Variants in DACH1 observed in about 807,000 individuals in gnomAD.
The protein encoded by DACH1 is dachshund family transcription factor 1.
Under a neutral mutation model 54.2 loss-of-function variants are expected in DACH1, and 12 were observed. The observed-to-expected ratio is 0.22, with a 90% confidence interval of 0.14 to 0.36. The LOEUF is 0.36. Among genes scored for constraint, DACH1 ranks in the 10% least tolerant of loss-of-function variants. The probability of loss-of-function intolerance (pLI) is 1.00; values close to 1 mark genes in which losing one functional copy is unlikely to be tolerated. For missense variants in DACH1, 805 were observed against 929.8 expected, an observed-to-expected ratio of 0.87 and a Z score of 1.75; for synonymous variants, 386 against 366.2, an observed-to-expected ratio of 1.05 and a Z score of -0.62.
chr13:71,453,351 A>C (rs1875250903), intron 10 of DACH1, among the ~76,000 whole-genome samples: 1 of 152,214 alleles, frequency 6.6e-6, no homozygotes, highest in Admixed American at 6.5e-5. Context: ...TAGAAGAAAA[A>C]TGATTTCTTG....
chr13:71,813,726 A>G (rs1048166605), intron 1 of DACH1, among the ~76,000 whole-genome samples: 3 of 152,332 alleles, frequency 2.0e-5, no homozygotes, highest in Middle Eastern at 6.8e-3. Context: ...CACAAGTTCT[A>G]TGAGGCATGT....
Position 71,709,782 on chromosome 13 carries a change from G to C in DACH1, c.849-27872C>G, listed in dbSNP as rs1882623582. 1.3e-5 allele frequency among the ~76,000 whole-genome samples: 2 copies of C among 152,102 alleles called. 1 individual carries two copies. The highest frequency in any genetic ancestry group is 4.2e-4 in the South Asian group (2 of 4,814). On this transcript the variant is annotated intron_variant, in intron 1 of 10. Transcript: ENST00000613252. ...TCCGCCATTTCAGGAATCCACTGAA[G>C]GTCTGGAAATGTACACCCTGCAGAT...
intron 1 of DACH1, among the ~76,000 whole-genome samples, chr13:71,705,169 T>C (rs1882371921): frequency 6.6e-6 from 1 of 152,186 alleles, no homozygotes; most frequent in Non-Finnish European, 1.5e-5. Flanking sequence ...CCAAAAATTA[T>C]CAAACAGCTA....
chr13:71,664,260 A>T lies in DACH1; in HGVS notation c.964+17535T>A, dbSNP rs114126564. On this transcript the variant is annotated intron_variant, in intron 2 of 10. Coordinates refer to ENST00000613252, the MANE Select transcript of DACH1 (RefSeq NM_080759.6). ...AGAGGTGAGTCAAGTCAAGGTCCTA[A>T]TATTCAAATCTCTCATTTGGATTTT... Among the ~76,000 whole-genome samples, 740 of 152,136 alleles carry T rather than the reference A, an allele frequency of 4.9e-3. 5 individuals carry two copies. The highest frequency in any genetic ancestry group is 0.017 in the African/African-American group (696 of 41,560).
At chr13:71,839,356 C>T (rs1175857217) in intron 1 of DACH1, among the ~76,000 whole-genome samples, 1 of 152,088 alleles carries the variant, frequency 6.6e-6, no homozygotes, top group Non-Finnish European at 1.5e-5. Flanking sequence ...ACCTGTAATC[C>T]CAGCACTTTG....
intron 1 of DACH1, among the ~76,000 whole-genome samples, chr13:71,687,486 G>A (rs1881238380): frequency 6.6e-6 from 1 of 152,100 alleles, no homozygotes; most frequent in Non-Finnish European, 1.5e-5. Flanking sequence ...AAAAAAGACT[G>A]AAAGGAAATA....
chr13:71,794,428 T>C (rs1419056800), intron 1 of DACH1, among the ~76,000 whole-genome samples: 1 of 152,170 alleles, frequency 6.6e-6, no homozygotes, highest in Admixed American at 6.5e-5. Flanking sequence ...AAAATAATAA[T>C]GAGCAACCAT....
rs1350848927 is a variant in DACH1 at position 71,867,071 on chromosome 13, G to A, written c.-302C>T. On this transcript the variant is annotated 5_prime_UTR_variant, in exon 1 of 11. Transcript: ENST00000613252. ...CGAGGGCTGGTTTGGGGGTGGGGGTGGGGCGGGGAGGGTCGGCTGTTGTTG... is the reference window on the plus strand; with the variant it reads ...CGAGGGCTGGTTTGGGGGTGGGGGTAGGGCGGGGAGGGTCGGCTGTTGTTG... The A allele has an allele frequency of 1.5e-5, 3 of 204,426 alleles. No homozygotes were observed. The highest frequency in any genetic ancestry group is 1.2e-4 in the Admixed American group (2 of 16,552). 12.7% of individuals were successfully genotyped at this position (204,426 alleles called of 1,614,324 possible). A position where few individuals can be genotyped will look rare whatever the true frequency, so the allele number is the denominator to read the frequency against.
intron 10 of DACH1, among the ~76,000 whole-genome samples, chr13:71,472,087 G>A (rs1294684003): frequency 2.0e-5 from 3 of 152,038 alleles, no homozygotes; most frequent in Non-Finnish European, 2.9e-5. Flanking sequence ...TGTGACATAA[G>A]GCATAAGAGA....
intron 1 of DACH1, among the ~76,000 whole-genome samples, chr13:71,760,185 C>T (rs1233517536): frequency 4.6e-5 from 7 of 152,148 alleles, no homozygotes; most frequent in Non-Finnish European, 8.8e-5. Flanking sequence ...TCCTCTCAGT[C>T]CAAGGGACTT....
chr13:71,864,483 C>G (rs1874581938), intron 1 of DACH1, among the ~76,000 whole-genome samples: 2 of 152,158 alleles, frequency 1.3e-5, no homozygotes, highest in Non-Finnish European at 2.9e-5. Flanking sequence ...GTTTCCCTAT[C>G]TCTGCGGGAG....
At chr13:71,783,177 G>A (rs1886454930) in intron 1 of DACH1, among the ~76,000 whole-genome samples, 1 of 152,144 alleles carries the variant, frequency 6.6e-6, no homozygotes, top group Non-Finnish European at 1.5e-5. Flanking sequence ...ACATGTAAGG[G>A]ATTTGGAGGT....
intron 1 of DACH1, among the ~76,000 whole-genome samples, chr13:71,727,511 A>C (rs1883526887): frequency 6.6e-6 from 1 of 152,110 alleles, no homozygotes; most frequent in Admixed American, 6.6e-5. Context: ...TTTATTTGCT[A>C]ATAATATGGC....
chr13:71,829,602 T>C (rs888730288), intron 1 of DACH1, among the ~76,000 whole-genome samples: 2 of 152,072 alleles, frequency 1.3e-5, no homozygotes, highest in Non-Finnish European at 2.9e-5. Context: ...CCAAGCATTC[T>C]CTTCCTGCAA....
chr13:71,642,786 C>G (rs1314175863), intron 2 of DACH1, among the ~76,000 whole-genome samples: 1 of 151,968 alleles, frequency 6.6e-6, no homozygotes, highest in Non-Finnish European at 1.5e-5. Context: ...TTTGGGAGGC[C>G]GAGGCGAGCA....
At chr13:71,765,775 C>A (rs148699769) in intron 1 of DACH1, among the ~76,000 whole-genome samples, 1 of 151,876 alleles carries the variant, frequency 6.6e-6, no homozygotes, top group East Asian at 1.9e-4. Context: ...GTTTCCATAA[C>A]AACTAACATC....
At chr13:71,624,052 T>A (rs1206388560) in intron 3 of DACH1, among the ~76,000 whole-genome samples, 2 of 151,966 alleles carry the variant, frequency 1.3e-5, no homozygotes, top group Non-Finnish European at 2.9e-5. Flanking sequence ...CTCTATCTTG[T>A]TTAAAATACA....
chr13:71,666,182 T>C (rs986891108), intron 2 of DACH1, among the ~76,000 whole-genome samples: 2 of 152,178 alleles, frequency 1.3e-5, no homozygotes, highest in Non-Finnish European at 2.9e-5. Flanking sequence ...TAAAAGTAGT[T>C]GGAATTTTAA....
chr13:71,758,637 A>G (rs907015529), intron 1 of DACH1, among the ~76,000 whole-genome samples: 12 of 152,220 alleles, frequency 7.9e-5, no homozygotes, highest in Admixed American at 7.9e-4. Context: ...TAATCAAAAT[A>G]CAGCATCTCC....
Sources: allele counts gnomAD v4.1 joint callset (sites outside exome capture counted in the v4.1 genomes callset), GRCh38; gene constraint gnomAD v4.1.1; transcripts MANE v1.5; gene names NCBI Gene and HGNC (gene_info 2026-07-23, HGNC 2026-07-21).